The following KCNC1 variants were observed in gnomAD, a reference collection of about 807,000 sequenced individuals.
The protein encoded by KCNC1 is potassium voltage-gated channel subfamily C member 1.
A neutral mutation model predicts 43.4 loss-of-function variants in KCNC1; 8 were observed. The observed-to-expected ratio is 0.18, with a 90% CI of 0.11 to 0.33. KCNC1 has a LOEUF of 0.33. Ranked by LOEUF, KCNC1 falls within the 10% of genes least tolerant of loss-of-function variation. The pLI, the probability that KCNC1 is intolerant of heterozygous loss-of-function variation, is 1.00. For missense variants in KCNC1, 420 were observed against 836.0 expected, an observed-to-expected ratio of 0.50 and a Z score of 6.14; for synonymous variants, 361 against 360.5, an observed-to-expected ratio of 1.00 and a Z score of -0.01.
At position 17,781,995 on chromosome 11, in the gene KCNC1, CT is replaced by C. The variant is rs1396127074; in HGVS notation, c.*263del. On this transcript the variant is annotated 3_prime_UTR_variant, in exon 4 of 4. Coordinates refer to ENST00000265969, the MANE Select transcript of KCNC1 (RefSeq NM_001112741.2). The surrounding 1 kb of genome is among the most constrained non-coding windows in gnomAD (Gnocchi z 5.1). ...GGGGTGGAGGGGCTCCTTAGCATGA[CT>C]TGCATGAAGTTAAACAGAAAACCCA... 2.3e-6 allele frequency: 1 copy of C among 427,072 alleles called. No homozygotes were observed. Among genetic ancestry groups the C allele is most frequent in the African/African-American group, 2.0e-5 (1 of 49,624 alleles). The allele number at this position is 427,072 out of a possible 1,614,324, so 26.5% of individuals were successfully genotyped here. A position where few individuals can be genotyped will look rare whatever the true frequency, so the allele number is the denominator to read the frequency against.
At chr11:17,750,344 C>A (rs552868696) in intron 1 of KCNC1, among the ~76,000 whole-genome samples, 177 of 152,250 alleles carry the variant, frequency 1.2e-3, no homozygotes, top group Admixed American at 2.9e-3. Flanking sequence ...AAGCCTCAGC[C>A]GGTTGCCCAC....
At chr11:17,768,676 C>T (rs1018956490) in intron 1 of KCNC1, among the ~76,000 whole-genome samples, 4 of 151,418 alleles carry the variant, frequency 2.6e-5, no homozygotes, top group African/African-American at 9.7e-5. Context: ...GGGGAGGTGC[C>T]TCCAGCCTTC....
intron 1 of KCNC1, among the ~76,000 whole-genome samples, chr11:17,749,496 G>A (rs560393538): frequency 6.6e-6 from 1 of 152,350 alleles, no homozygotes; most frequent in African/African-American, 2.4e-5. Context: ...AGAAGAACAT[G>A]ACTTCCGTGG....
intron 1 of KCNC1, among the ~76,000 whole-genome samples, chr11:17,744,176 C>T (rs1053158600): frequency 6.6e-6 from 1 of 152,152 alleles, no homozygotes; most frequent in African/African-American, 2.4e-5. Flanking sequence ...CTGTAAAATA[C>T]AGAGGTCGTG....
intron 2 of KCNC1, chr11:17,774,640 C>T (rs1849265443): frequency 2.0e-6 from 2 of 985,460 alleles, no homozygotes; most frequent in Admixed American, 6.1e-5. Context: ...AGTCTCTCCC[C>T]AGCCCTGCTT....
intron 1 of KCNC1, among the ~76,000 whole-genome samples, chr11:17,767,015 C>G (rs1849158238): frequency 1.3e-5 from 2 of 150,688 alleles, no homozygotes; most frequent in African/African-American, 4.9e-5. Flanking sequence ...CACCTGTAGT[C>G]CCAGCTACTC....
intron 1 of KCNC1, among the ~76,000 whole-genome samples, chr11:17,754,500 G>A (rs1287326910): frequency 6.6e-6 from 1 of 152,240 alleles, no homozygotes; most frequent in African/African-American, 2.4e-5. Flanking sequence ...GCCGCCGGGG[G>A]CTCACTTCTG....
rs564584978 is a variant in KCNC1, at chr11:17,739,845, C to T, written c.570+3273C>T. Among the ~76,000 whole-genome samples the T allele has an allele frequency of 4.6e-5, 7 of 151,964 alleles. No homozygotes were observed. The highest frequency in any genetic ancestry group is 1.9e-4 in the East Asian group (1 of 5,152). On this transcript the variant is annotated intron_variant, in intron 1 of 3. Coordinates refer to ENST00000265969, the MANE Select transcript of KCNC1 (RefSeq NM_001112741.2). This position sits in a 1 kb window ranked among gnomAD's most constrained non-coding sequence, Gnocchi z 4.2. ...TGTACGTGATGTGTGTGAGAACCCA[C>T]GTGTGTGTCAGTGTGCTGTGTGTAT...
At chr11:17,775,484 T>TGTAG in intron 2 of KCNC1, 1 of 985,526 alleles carries the variant, frequency 1.0e-6, no homozygotes, top group Non-Finnish European at 1.2e-6. Flanking sequence ...CTCACCTGGT[T>TGTAG]GTAGGACCTC....
intron 2 of KCNC1, among the ~76,000 whole-genome samples, chr11:17,778,134 G>T (rs1288461943): frequency 1.3e-5 from 2 of 152,230 alleles, no homozygotes; most frequent in Non-Finnish European, 2.9e-5. Context: ...TGGCCAGGAA[G>T]ATTCTGCTTT....
At chr11:17,772,655 G>A (rs763962719) in intron 2 of KCNC1, 57 bp downstream of exon 2, 15 of 1,580,560 alleles carry the variant, frequency 9.5e-6, no homozygotes, top group Admixed American at 7.0e-5. Flanking sequence ...CCCCTGTAGC[G>A]ATGATTCCAG....
intron 2 of KCNC1, chr11:17,775,493 T>C: frequency 1.0e-6 from 1 of 985,494 alleles, no homozygotes; most frequent in Non-Finnish European, 1.2e-6. Context: ...TTGTAGGACC[T>C]CTTGGGGGAT....
intron 2 of KCNC1, chr11:17,775,775 G>A (rs1162554832): frequency 1.0e-6 from 1 of 985,746 alleles, no homozygotes; most frequent in Non-Finnish European, 1.2e-6. Context: ...GGCCGGTGGA[G>A]GGGGTGGTGG....
Position 17,734,917 on chromosome 11 carries a change from C to T in KCNC1, c.-1086C>T, listed in dbSNP as rs1237037812. The T allele has an allele frequency of 1.3e-5, 2 of 150,174 alleles. No homozygotes were observed. Among genetic ancestry groups the T allele is most frequent in the East Asian group, 3.9e-4 (2 of 5,084 alleles). 9.3% of individuals were successfully genotyped at this position (150,174 alleles called of 1,614,324 possible). On this transcript the variant is annotated 5_prime_UTR_variant, in exon 1 of 4. Coordinates refer to ENST00000265969, the MANE Select transcript of KCNC1 (RefSeq NM_001112741.2). ...CTCGCTGGCCTCACCTCGCCGCGCC[C>T]GGACCCGCCACCCCCGCCTCCCCGC... is the stretch of plus-strand genomic sequence containing the variant.
intron 1 of KCNC1, among the ~76,000 whole-genome samples, chr11:17,769,589 C>T (rs1849198946): frequency 6.6e-6 from 1 of 152,020 alleles, no homozygotes; most frequent in Non-Finnish European, 1.5e-5. Context: ...CGCCTGTAAT[C>T]CCAGCACTTT....
rs901036280 is a variant in KCNC1, at chr11:17,773,250, A to T, written c.1504+652A>T. On this transcript the variant is annotated intron_variant, in intron 2 of 3. Coordinates refer to ENST00000265969, the MANE Select transcript of KCNC1 (RefSeq NM_001112741.2). The surrounding 1 kb of genome is among the most constrained non-coding windows in gnomAD (Gnocchi z 4.1). The stretch of plus-strand genomic sequence containing the variant: ...AGCTTACTTACCCCATAGCATGCTG[A>T]ACCAACTCATCTTCTACCACCACTC... The T allele has an allele frequency of 8.1e-6, 8 of 985,648 alleles. No homozygotes were observed. The highest frequency in any genetic ancestry group is 9.6e-6 in the Non-Finnish European group (8 of 830,104). The allele number at this position is 985,648 out of a possible 1,614,324, so 61.1% of individuals were successfully genotyped here.
rs2133774586 is a variant in KCNC1, at chr11:17,736,524, G to A, written c.522G>A (p.Pro174=). The change falls in exon 1 of 4, where the codon CCG becomes CCA. Residue 174 remains proline, a synonymous_variant. Coordinates refer to ENST00000265969, the MANE Select transcript of KCNC1 (RefSeq NM_001112741.2). The surrounding 1 kb of genome is among the most constrained non-coding windows in gnomAD (Gnocchi z 9.3). ...RPGGFWRRWQ[P]RIWALFEDPY... is the part of the protein sequence containing the mutation. ...GCGGCTTTTGGCGCCGCTGGCAGCC[G>A]CGCATCTGGGCGCTCTTCGAGGACC... The A allele has an allele frequency of 6.3e-7, 1 of 1,581,364 alleles. No homozygotes were observed. The highest frequency in any genetic ancestry group is 2.3e-5 in the East Asian group (1 of 44,142).
In KCNC1 at chr11:17,736,562, G is replaced by A; in HGVS notation, c.560G>A (p.Arg187His). The A allele has an allele frequency of 6.5e-7, 1 of 1,539,744 alleles. No individual in the cohort carries two copies. Among genetic ancestry groups the A allele is most frequent in the Non-Finnish European group, 8.7e-7 (1 of 1,153,892 alleles). ...WALFEDPYSS[R>H]YARYVAFASL... ...CTCTTCGAGGACCCGTACTCGTCCC[G>A]CTACGCGCGGGTAAGTGACAATTTA... The change falls in exon 1 of 4, where the codon CGC becomes CAC. Residue 187 changes from arginine to histidine, a missense_variant. Physicochemically the swap from Arg to His is conservative, Grantham distance 29 (BLOSUM62 0). Around this residue, in one of 5 missense-constraint regions of KCNC1, gnomAD observed 151 missense variants for 216.7 expected, o/e 0.70. Coordinates refer to ENST00000265969, the MANE Select transcript of KCNC1 (RefSeq NM_001112741.2). This position sits in a 1 kb window ranked among gnomAD's most constrained non-coding sequence, Gnocchi z 9.3.
Position 17,772,426 on chromosome 11 carries a change from C to A in KCNC1, c.1332C>A (p.Ser444=). ...VIVNNFGMYY[S]LAMAKQKLPK... The stretch of plus-strand genomic sequence containing the variant: ...TGAACAATTTCGGGATGTATTACTC[C>A]TTAGCCATGGCTAAGCAGAAACTAC... The change falls in exon 2 of 4, where the codon TCC becomes TCA. Residue 444 remains serine, a synonymous_variant. Transcript: ENST00000265969. 6.2e-7 allele frequency: 1 copy of A among 1,614,212 alleles called. No homozygotes were observed. Among genetic ancestry groups the A allele is most frequent in the Non-Finnish European group, 8.5e-7 (1 of 1,180,042 alleles).
Sources: gnomAD v4.1 joint callset for allele counts (sites outside exome capture counted in the v4.1 genomes callset) on GRCh38, gnomAD v4.1.1 for gene constraint, gnomAD v4.1.1 regional missense constraint, Gnocchi (gnomAD v3.1) non-coding constraint, MANE v1.5 for transcripts, NCBI Gene and HGNC (gene_info 2026-07-23, HGNC 2026-07-21) for gene names.